The following CPNE2 variants were observed in gnomAD, a reference collection of about 807,000 sequenced individuals.
The protein encoded by CPNE2 is copine-2.
Under a neutral mutation model 69.7 loss-of-function variants are expected in CPNE2, and 42 were observed. That is an observed-to-expected ratio of 0.60 (90% confidence interval 0.47 to 0.78). The LOEUF is 0.78. Among genes scored for constraint, CPNE2 ranks in the 30% least tolerant of loss-of-function variants. CPNE2 has a pLI of 0.00. For synonymous variants in CPNE2, 294 were observed against 289.8 expected (o/e 1.01, Z -0.15); for missense variants, 587 against 732.0 (o/e 0.80, Z 2.29).
At chr16:57,131,721 G>A (rs2069839952) in intron 12 of CPNE2, among the ~76,000 whole-genome samples, 1 of 152,208 alleles carries the variant, frequency 6.6e-6, no homozygotes, top group African/African-American at 2.4e-5. Flanking sequence ...CGCCAGGCCT[G>A]GCCCCTCCTG....
Position 57,092,742 on chromosome 16 carries a change from G to T in CPNE2, c.-84G>T, listed in dbSNP as rs1232993302. On this transcript the variant is annotated 5_prime_UTR_variant, in exon 1 of 16. Coordinates refer to ENST00000290776, the MANE Select transcript of CPNE2 (RefSeq NM_152727.6). This position sits in a 1 kb window ranked among gnomAD's most constrained non-coding sequence, Gnocchi z 5.3. Reference sequence around the variant, plus strand: ...GGGATGCCCGGGCGGCTCGGAGCGCGGGCAGCGGCAGCCGTGCGGTGAGGG... The same window carrying T: ...GGGATGCCCGGGCGGCTCGGAGCGCTGGCAGCGGCAGCCGTGCGGTGAGGG... The T allele has an allele frequency of 6.6e-6, 1 of 150,930 alleles. No homozygotes were observed. Among genetic ancestry groups the T allele is most frequent in the African/African-American group, 2.4e-5 (1 of 41,266 alleles). The allele number at this position is 150,930 out of a possible 1,614,324, so 9.3% of individuals were successfully genotyped here.
intron 12 of CPNE2, among the ~76,000 whole-genome samples, chr16:57,128,717 T>C (rs1384394276): frequency 6.6e-6 from 1 of 152,224 alleles, no homozygotes; most frequent in East Asian, 1.9e-4. Flanking sequence ...ATAATGTACA[T>C]TGTACCCAGT....
rs542898023 is a variant in CPNE2 at position 57,146,822 on chromosome 16, A to G, written c.1539+501A>G. On this transcript the variant is annotated intron_variant, in intron 15 of 15. Coordinates refer to ENST00000290776, the MANE Select transcript of CPNE2 (RefSeq NM_152727.6). This position sits in a 1 kb window ranked among gnomAD's most constrained non-coding sequence, Gnocchi z 4.4. Reference sequence around the variant, plus strand: ...TGTTCCTGGAAGTGGCTCTGGCTTTATTTGCAGGTGATCCCAGATCTGCCC... The same window carrying G: ...TGTTCCTGGAAGTGGCTCTGGCTTTGTTTGCAGGTGATCCCAGATCTGCCC... 6 of 164,122 alleles carry G rather than the reference A, an allele frequency of 3.7e-5. No individual in the cohort carries two copies. Among genetic ancestry groups the G allele is most frequent in the South Asian group, 1.6e-4 (1 of 6,334 alleles). 10.2% of individuals were successfully genotyped at this position (164,122 alleles called of 1,614,324 possible).
At chr16:57,116,939 G>A (rs529584930) in intron 4 of CPNE2, among the ~76,000 whole-genome samples, 4 of 152,186 alleles carry the variant, frequency 2.6e-5, no homozygotes, top group Non-Finnish European at 4.4e-5. Flanking sequence ...CAGCAGTCTC[G>A]AAGTCGCCCA....
intron 3 of CPNE2, among the ~76,000 whole-genome samples, chr16:57,113,684 C>T (rs1410003793): frequency 6.6e-6 from 1 of 152,200 alleles, no homozygotes; most frequent in Non-Finnish European, 1.5e-5. Context: ...ATCTGGGGCC[C>T]CAGGTGGCCA....
chr16:57,122,464 A>G (rs115286895), intron 9 of CPNE2, among the ~76,000 whole-genome samples: 6 of 152,328 alleles, frequency 3.9e-5, no homozygotes, highest in African/African-American at 1.4e-4. Context: ...AAAGGTCAAG[A>G]TGTCAGGTTG....
intron 1 of CPNE2, among the ~76,000 whole-genome samples, chr16:57,097,505 T>C (rs2069585259): frequency 6.6e-6 from 1 of 152,258 alleles, no homozygotes; most frequent in African/African-American, 2.4e-5. Flanking sequence ...AGCTTTTCAC[T>C]GCTGCCTTAA....
At chr16:57,139,819 G>T (rs78382585) in intron 14 of CPNE2, among the ~76,000 whole-genome samples, 1 of 151,976 alleles carries the variant, frequency 6.6e-6, no homozygotes, top group Admixed American at 6.6e-5. Context: ...GAATCCTGCC[G>T]CTGTCCCTTC....
chr16:57,113,914 C>T (rs1040795307), intron 3 of CPNE2, among the ~76,000 whole-genome samples: 1 of 152,260 alleles, frequency 6.6e-6, no homozygotes, highest in Non-Finnish European at 1.5e-5. Flanking sequence ...GCGCCCCTGA[C>T]ACAAGTCTCA....
intron 8 of CPNE2, 21 bp downstream of exon 8, chr16:57,121,212 G>C: frequency 6.2e-7 from 1 of 1,604,778 alleles, no homozygotes; most frequent in African/African-American, 1.3e-5. Context: ...CACGTGTACT[G>C]TAACCCCAAG....
intron 4 of CPNE2, 42 bp downstream of exon 4, chr16:57,115,592 ACCCCACACCCTC>A: frequency 9.5e-7 from 1 of 1,049,114 alleles, no homozygotes; most frequent in Non-Finnish European, 1.3e-6. Flanking sequence ...CTCCATCCCC[ACCCCACACCCTC>A]CCCCATCAAT....
intron 13 of CPNE2, among the ~76,000 whole-genome samples, chr16:57,135,229 G>T (rs2069869962): frequency 6.6e-6 from 1 of 152,036 alleles, no homozygotes; most frequent in African/African-American, 2.4e-5. Context: ...CTTCCCACCC[G>T]CCCCCTTGCT....
chr16:57,094,726 C>T (rs1389511754), intron 1 of CPNE2, among the ~76,000 whole-genome samples: 3 of 152,068 alleles, frequency 2.0e-5, no homozygotes, highest in Admixed American at 6.5e-5. Context: ...ATCCAGGATC[C>T]TTTGTGGGGT....
At chr16:57,111,098 T>C (rs556645652) in intron 2 of CPNE2, among the ~76,000 whole-genome samples, 176 bp downstream of exon 2, 2 of 107,744 alleles carry the variant, frequency 1.9e-5, no homozygotes, top group East Asian at 5.6e-4. Context: ...TTTAAATATA[T>C]TTAAAATATT....
chr16:57,125,744 A>ACT (rs2069796223), intron 10 of CPNE2, 116 bp from the exon 11 acceptor site: 2 of 1,261,554 alleles, frequency 1.6e-6, no homozygotes, highest in Admixed American at 2.3e-5. Flanking sequence ...TATTGTGGGG[A>ACT]GGGCTGGGAG....
intron 13 of CPNE2, among the ~76,000 whole-genome samples, chr16:57,135,038 C>T (rs2069868606): frequency 6.6e-6 from 1 of 152,188 alleles, no homozygotes; most frequent in Non-Finnish European, 1.5e-5. Context: ...GCTGTGGGAC[C>T]TTGGAAAGGT....
At position 57,118,451 on chromosome 16, in the gene CPNE2, G is replaced by T. The variant is rs187259095; in HGVS notation, c.508-744G>T. ...GCCTCCCAAAGTGCTGGGATTACAGGCTTGAGCCACCATGCCTGGCCCATA... is the reference window on the plus strand; with the variant it reads ...GCCTCCCAAAGTGCTGGGATTACAGTCTTGAGCCACCATGCCTGGCCCATA... On this transcript the variant is annotated intron_variant, in intron 5 of 15. Coordinates refer to ENST00000290776, the MANE Select transcript of CPNE2 (RefSeq NM_152727.6). Among the ~76,000 whole-genome samples the T allele has an allele frequency of 1.9e-3, 284 of 151,998 alleles. 3 individuals are homozygous for T. The highest frequency in any genetic ancestry group is 0.017 in the Admixed American group (256 of 15,258).
chr16:57,139,742 T>C (rs2069907839), intron 14 of CPNE2, among the ~76,000 whole-genome samples: 1 of 152,142 alleles, frequency 6.6e-6, no homozygotes, highest in Admixed American at 6.6e-5. Flanking sequence ...CCTCTTCTGA[T>C]GGTTCAGGAG....
At chr16:57,109,367 T>G (rs978266897) in intron 1 of CPNE2, among the ~76,000 whole-genome samples, 1 of 151,372 alleles carries the variant, frequency 6.6e-6, no homozygotes, top group Non-Finnish European at 1.5e-5. Flanking sequence ...TCCCAGTTAC[T>G]CGGGCGGCTG....
Sources: gnomAD v4.1 joint callset for allele counts (sites outside exome capture counted in the v4.1 genomes callset) on GRCh38, gnomAD v4.1.1 for gene constraint, Gnocchi (gnomAD v3.1) non-coding constraint, MANE v1.5 for transcripts, NCBI Gene and HGNC (gene_info 2026-07-23, HGNC 2026-07-21) for gene names.